Variants in PDGFD observed in about 807,000 individuals in gnomAD.
The protein encoded by PDGFD is platelet-derived growth factor D.
Under a neutral mutation model 44.7 loss-of-function variants are expected in PDGFD, and 30 were observed. The observed-to-expected ratio is 0.67, with a 90% CI of 0.50 to 0.91. The LOEUF is 0.91. Among genes scored for constraint, PDGFD ranks in the 40% least tolerant of loss-of-function variants. The pLI, the probability that PDGFD is intolerant of heterozygous loss-of-function variation, is 0.00. For synonymous variants in PDGFD, 173 were observed against 168.4 expected (o/e 1.03, Z -0.21); for missense variants, 445 against 457.8 (o/e 0.97, Z 0.25).
Position 103,927,028 on chromosome 11 carries a change from C to G in PDGFD, c.871G>C (p.Val291Leu). The G allele has an allele frequency of 6.2e-7, 1 of 1,614,206 alleles. No individual in the cohort carries two copies. Among genetic ancestry groups the G allele is most frequent in the East Asian group, 2.2e-5 (1 of 44,878 alleles). ...ACGAGGAGGCAACGTGGAAAGAAGACCACATTGGCCAACTTCAGCTCTTCT... is the reference window on the plus strand; with the variant it reads ...ACGAGGAGGCAACGTGGAAAGAAGAGCACATTGGCCAACTTCAGCTCTTCT... ...IREELKLANV[V>L]FFPRCLLVQR... is the part of the protein sequence containing the mutation. The change falls in exon 6 of 7, where the codon GTC (valine) becomes CTC (leucine). Residue 291 changes from valine to leucine, a missense_variant. Transcript: ENST00000393158.
chr11:104,013,047 T>C (rs774174749), intron 1 of PDGFD, among the ~76,000 whole-genome samples: 1 of 152,056 alleles, frequency 6.6e-6, no homozygotes, highest in Non-Finnish European at 1.5e-5. Flanking sequence ...CCTGTACCCA[T>C]AAAAACCCCA....
intron 1 of PDGFD, among the ~76,000 whole-genome samples, chr11:104,068,439 G>C (rs927263733): frequency 6.6e-6 from 1 of 152,012 alleles, no homozygotes; most frequent in Non-Finnish European, 1.5e-5. Context: ...TTTGTAATTT[G>C]TGATTAAAAG....
chr11:103,956,360 A>G (rs1424697341), intron 3 of PDGFD, among the ~76,000 whole-genome samples: 2 of 150,080 alleles, frequency 1.3e-5, no homozygotes, highest in South Asian at 2.1e-4. Context: ...ATGATTTCCA[A>G]TTTCATCCAT....
chr11:103,977,443 A>G (rs530425534), intron 3 of PDGFD, among the ~76,000 whole-genome samples: 2 of 152,282 alleles, frequency 1.3e-5, no homozygotes, highest in African/African-American at 4.8e-5. Flanking sequence ...AAAATCCTCA[A>G]TAAAATACTG....
rs780901448 is a variant in PDGFD, at chr11:104,028,437, C to CT, written c.125-28183dup. 1.9e-3 allele frequency among the ~76,000 whole-genome samples: 252 copies of CT among 136,168 alleles called. 1 individual carries two copies. The highest frequency in any genetic ancestry group is 7.6e-3 in the Middle Eastern group (2 of 264). The allele number at this position is 136,168 out of a possible 152,430, so 89.3% of individuals were successfully genotyped here. A position where few individuals can be genotyped will look rare whatever the true frequency, so the allele number is the denominator to read the frequency against. ...GTCCTCTTTTCTGTTTTTGTTTTTG[C>CT]TTTTTTTTTTTTCAGGCTGGCTTGC... is the stretch of plus-strand genomic sequence containing the variant. On this transcript the variant is annotated intron_variant, in intron 1 of 6. Coordinates refer to ENST00000393158, the MANE Select transcript of PDGFD (RefSeq NM_025208.5).
chr11:104,009,929 T>C (rs1221216227), intron 1 of PDGFD, among the ~76,000 whole-genome samples: 2 of 152,124 alleles, frequency 1.3e-5, no homozygotes, highest in East Asian at 3.9e-4. Context: ...CGGTCTTCAC[T>C]AAGGAATTTT....
chr11:104,102,264 A>G lies in PDGFD; in HGVS notation c.124+61540T>C, dbSNP rs1169871238. ...CAAAGAACCCCATCAAAAAGTGGGC[A>G]AAGGATATGAACAGACACTTCTCAA... On this transcript the variant is annotated intron_variant, in intron 1 of 6. Coordinates refer to ENST00000393158, the MANE Select transcript of PDGFD (RefSeq NM_025208.5). 1.3e-4 allele frequency among the ~76,000 whole-genome samples: 20 copies of G among 152,334 alleles called. 1 individual carries two copies. The highest frequency in any genetic ancestry group is 8.3e-4 in the South Asian group (4 of 4,822).
intron 1 of PDGFD, among the ~76,000 whole-genome samples, chr11:104,144,265 C>G (rs1862128614): frequency 6.6e-6 from 1 of 151,850 alleles, no homozygotes. Flanking sequence ...TTAAAAAGTC[C>G]AGAGGCCGAA....
intron 1 of PDGFD, among the ~76,000 whole-genome samples, chr11:104,116,611 T>C (rs1187388319): frequency 2.0e-5 from 3 of 152,010 alleles, no homozygotes; most frequent in African/African-American, 7.2e-5. Flanking sequence ...ATATCCCTGA[T>C]GAACATAGAT....
intron 5 of PDGFD, among the ~76,000 whole-genome samples, chr11:103,939,453 G>A (rs1247390627): frequency 1.2e-4 from 18 of 152,080 alleles, no homozygotes; most frequent in Admixed American, 1.1e-3. Context: ...AGGAGATTTT[G>A]GGCTGAGATG....
intron 1 of PDGFD, among the ~76,000 whole-genome samples, chr11:104,022,343 G>A (rs1859968526): frequency 6.6e-6 from 1 of 152,122 alleles, no homozygotes; most frequent in Non-Finnish European, 1.5e-5. Context: ...AAGATTAATA[G>A]TTGGACTCAA....
rs868139996 is a variant in PDGFD at position 104,084,113 on chromosome 11, C to T, written c.124+79691G>A. ...TCAACAAATGTGGATTCAGCTCTTG[C>T]AACATCTCAAGTATGCTTCTATGCA... is the stretch of plus-strand genomic sequence containing the variant. On this transcript the variant is annotated intron_variant, in intron 1 of 6. Coordinates refer to ENST00000393158, the MANE Select transcript of PDGFD (RefSeq NM_025208.5). Among the ~76,000 whole-genome samples the T allele has an allele frequency of 8.7e-4, 133 of 152,278 alleles. 1 individual carries two copies. The highest frequency in any genetic ancestry group is 2.9e-3 in the African/African-American group (121 of 41,574).
chr11:104,014,090 A>G (rs1167703359), intron 1 of PDGFD, among the ~76,000 whole-genome samples: 2 of 152,204 alleles, frequency 1.3e-5, no homozygotes, highest in South Asian at 2.1e-4. Flanking sequence ...CAAATTAACA[A>G]TGTCTCGCAT....
At chr11:103,939,902 G>A (rs1055700350) in intron 5 of PDGFD, among the ~76,000 whole-genome samples, 1 of 151,886 alleles carries the variant, frequency 6.6e-6, no homozygotes, top group Admixed American at 6.6e-5. Context: ...TTACCCCCTA[G>A]GAAACTGAAA....
At position 104,054,797 on chromosome 11, in the gene PDGFD, G is replaced by A. The variant is rs548253127; in HGVS notation, c.125-54542C>T. ...TTGAAATGCCAAAAAGAAGCCACTT[G>A]TAAAAGGAAACAGGCTAGAGATAGG... On this transcript the variant is annotated intron_variant, in intron 1 of 6. Transcript: ENST00000393158. Among the ~76,000 whole-genome samples, 3 of 152,338 alleles carry A rather than the reference G, an allele frequency of 2.0e-5. No homozygotes were observed. The South Asian group carries it at 6.2e-4, about 32-fold the overall frequency.
chr11:104,109,364 CAAT>C (rs750777095), intron 1 of PDGFD, among the ~76,000 whole-genome samples: 1 of 152,038 alleles, frequency 6.6e-6, no homozygotes, highest in Non-Finnish European at 1.5e-5. Flanking sequence ...AAGTTAGGCA[CAAT>C]AATAGATACT....
intron 1 of PDGFD, among the ~76,000 whole-genome samples, chr11:104,138,651 G>A (rs2119865552): frequency 6.6e-6 from 1 of 152,216 alleles, no homozygotes; most frequent in South Asian, 2.1e-4. Flanking sequence ...AACATGATAT[G>A]GTTTCAGATG....
intron 1 of PDGFD, among the ~76,000 whole-genome samples, chr11:104,034,565 T>C (rs1860187329): frequency 6.6e-6 from 1 of 151,920 alleles, no homozygotes; most frequent in African/African-American, 2.4e-5. Context: ...AGGCAGAGGA[T>C]ATCGACTATC....
chr11:103,933,587 A>G (rs1858440095), intron 5 of PDGFD, among the ~76,000 whole-genome samples: 1 of 152,234 alleles, frequency 6.6e-6, no homozygotes, highest in South Asian at 2.1e-4. Flanking sequence ...ATTCTTAATC[A>G]GACAATTCCT....
Sources: gnomAD v4.1 joint callset for allele counts (sites outside exome capture counted in the v4.1 genomes callset) on GRCh38, gnomAD v4.1.1 for gene constraint, MANE v1.5 for transcripts, NCBI Gene and HGNC (gene_info 2026-07-23, HGNC 2026-07-21) for gene names.